FBXL20: variants seen among roughly 807,000 people sequenced by gnomAD.
The protein encoded by FBXL20 is F-box/LRR-repeat protein 20.
FBXL20 carries 11 observed loss-of-function variants against 64.0 expected under a neutral mutation model. The observed-to-expected ratio is 0.17, with a 90% CI of 0.11 to 0.28. The LOEUF is 0.28. Among genes scored for constraint, FBXL20 ranks in the 10% least tolerant of loss-of-function variants. The pLI, the probability that FBXL20 is intolerant of heterozygous loss-of-function variation, is 1.00. For missense variants in FBXL20, 303 were observed against 526.2 expected, an observed-to-expected ratio of 0.58 and a Z score of 4.15; for synonymous variants, 184 against 189.0, an observed-to-expected ratio of 0.97 and a Z score of 0.22.
intron 14 of FBXL20, among the ~76,000 whole-genome samples, chr17:39,262,818 G>A (rs2046758786): frequency 6.6e-6 from 1 of 151,724 alleles, no homozygotes; most frequent in Non-Finnish European, 1.5e-5. Flanking sequence ...CTAACACGGT[G>A]AAACTCTGCC....
intron 1 of FBXL20, among the ~76,000 whole-genome samples, chr17:39,355,427 A>T (rs370735719): frequency 4.6e-5 from 7 of 152,256 alleles, no homozygotes; most frequent in African/African-American, 1.7e-4. Context: ...TGATTATTTG[A>T]TTTGCAAATA....
At chr17:39,333,406 C>A (rs575018046) in intron 2 of FBXL20, among the ~76,000 whole-genome samples, 1 of 152,348 alleles carries the variant, frequency 6.6e-6, no homozygotes, top group African/African-American at 2.4e-5. Context: ...CTCGGCCTCC[C>A]GAGGTGCCGG....
At chr17:39,335,832 A>G (rs2047516219) in intron 2 of FBXL20, among the ~76,000 whole-genome samples, 1 of 152,144 alleles carries the variant, frequency 6.6e-6, no homozygotes, top group African/African-American at 2.4e-5. Context: ...ATAGGGAAGG[A>G]AGAGAATCAG....
intron 1 of FBXL20, among the ~76,000 whole-genome samples, chr17:39,356,679 A>G (rs2144604041): frequency 1.3e-5 from 2 of 152,144 alleles, no homozygotes; most frequent in East Asian, 3.9e-4. Flanking sequence ...GTTTTGAGAC[A>G]GGGTATCACT....
At position 39,253,090 on chromosome 17, in the gene FBXL20, C is replaced by A. The variant is rs1215471390; in HGVS notation, c.*8370G>T. 1 of 152,716 alleles carries A rather than the reference C, an allele frequency of 6.5e-6. No homozygotes were observed. The highest frequency in any genetic ancestry group is 2.4e-5 in the African/African-American group (1 of 41,472). 9.5% of individuals were successfully genotyped at this position (152,716 alleles called of 1,614,324 possible). On this transcript the variant is annotated 3_prime_UTR_variant, in exon 15 of 15. Coordinates refer to ENST00000264658, the MANE Select transcript of FBXL20 (RefSeq NM_032875.3). ...GAATCAGACCCTTCAGGTCAACCAC[C>A]TCTGCATTTTACCCCCTCAGGGGAG...
intron 2 of FBXL20, among the ~76,000 whole-genome samples, chr17:39,337,951 C>T (rs1451975596): frequency 9.2e-5 from 13 of 141,510 alleles, no homozygotes; most frequent in African/African-American, 3.1e-4. Flanking sequence ...CTGCCCCGTC[C>T]GGGAGGTGAG....
intron 4 of FBXL20, among the ~76,000 whole-genome samples, chr17:39,299,784 AAAC>A (rs916978526): frequency 6.6e-6 from 1 of 151,490 alleles, no homozygotes; most frequent in Non-Finnish European, 1.5e-5. Context: ...CTCTGTCTCA[AAAC>A]AACAACAACA....
intron 1 of FBXL20, among the ~76,000 whole-genome samples, chr17:39,349,399 C>T (rs1263745449): frequency 7.1e-6 from 1 of 141,746 alleles, no homozygotes; most frequent in Non-Finnish European, 1.5e-5. Context: ...CAGAATTTTC[C>T]ATAGTGGTGT....
chr17:39,348,332 A>AG (rs2047654073), intron 1 of FBXL20, among the ~76,000 whole-genome samples: 1 of 152,140 alleles, frequency 6.6e-6, no homozygotes, highest in Non-Finnish European at 1.5e-5. Context: ...ATGGTGACGC[A>AG]CACCTGTAGT....
At chr17:39,393,843 T>C (rs2048157855) in intron 1 of FBXL20, among the ~76,000 whole-genome samples, 1 of 152,242 alleles carries the variant, frequency 6.6e-6, no homozygotes, top group African/African-American at 2.4e-5. Flanking sequence ...GGATTTATCA[T>C]ATTAAATACG....
intron 9 of FBXL20, among the ~76,000 whole-genome samples, chr17:39,279,416 T>C (rs1232660119): frequency 6.6e-6 from 1 of 151,824 alleles, no homozygotes; most frequent in African/African-American, 2.4e-5. Context: ...GAAGGATTGC[T>C]TGAGCCCTGT....
intron 2 of FBXL20, among the ~76,000 whole-genome samples, chr17:39,316,155 G>A (rs942230119): frequency 3.3e-5 from 5 of 152,066 alleles, no homozygotes; most frequent in African/African-American, 1.2e-4. Context: ...ATCTGGAAAG[G>A]GAGAAAACTA....
chr17:39,261,471 T>C lies in FBXL20; in HGVS notation c.1300A>G (p.Ile434Val). 6.2e-7 allele frequency: 1 copy of C among 1,613,336 alleles called. No homozygotes were observed. Among genetic ancestry groups the C allele is most frequent in the Non-Finnish European group, 8.5e-7 (1 of 1,179,268 alleles). Residue 434 changes from isoleucine (I) to valine (V), a missense_variant, in exon 15 of 15, where the codon ATC becomes GTC. Physicochemically the swap from Ile to Val is conservative, Grantham distance 29. Transcript: ENST00000264658. Reference protein sequence around the residue: ...GSRQRFCRCCIIL With the variant: ...GSRQRFCRCCVIL Reference sequence around the variant, plus strand: ...GACCACCTCCATTGTCATAGGATGATGCAGCATCTGCAGAAGCGCTGTCTG... The same window carrying C: ...GACCACCTCCATTGTCATAGGATGACGCAGCATCTGCAGAAGCGCTGTCTG...
At chr17:39,266,974 C>CTTG (rs1183232646) in intron 12 of FBXL20, among the ~76,000 whole-genome samples, 1 of 152,040 alleles carries the variant, frequency 6.6e-6, no homozygotes. Context: ...TGAGCAGGGC[C>CTTG]AGACATGGTA....
Position 39,317,708 on chromosome 17 carries a change from T to G in FBXL20, c.105-14069A>C, listed in dbSNP as rs1378064981. 8.6e-5 allele frequency among the ~76,000 whole-genome samples: 11 copies of G among 127,360 alleles called. No homozygotes were observed. In the South Asian group the frequency reaches 1.2e-3, roughly 14 times the overall value. The allele number at this position is 127,360 out of a possible 152,430, so 83.6% of individuals were successfully genotyped here. The stretch of plus-strand genomic sequence containing the variant: ...TTTTTTGTTTTTTTTTTTGTTTTTT[T>G]TTTTTTTTTTTGAGACGGAGTCTCA... On this transcript the variant is annotated intron_variant, in intron 2 of 14. Transcript: ENST00000264658.
intron 14 of FBXL20, chr17:39,263,966 C>A: frequency 1.8e-6 from 1 of 546,952 alleles, no homozygotes; most frequent in Non-Finnish European, 3.2e-6. Flanking sequence ...CTTTTCTTCC[C>A]TTCAGTGGGT....
chr17:39,286,169 A>G (rs2046986626), intron 6 of FBXL20, among the ~76,000 whole-genome samples: 1 of 152,202 alleles, frequency 6.6e-6, no homozygotes, highest in African/African-American at 2.4e-5. Flanking sequence ...ACAAGAGTAA[A>G]TAATACAGAG....
At chr17:39,296,884 C>G (rs902747334) in intron 6 of FBXL20, among the ~76,000 whole-genome samples, 3 of 152,196 alleles carry the variant, frequency 2.0e-5, no homozygotes, top group Admixed American at 2.0e-4. Context: ...TTATTAGTAT[C>G]CCTACTGTAT....
intron 2 of FBXL20, among the ~76,000 whole-genome samples, chr17:39,330,168 C>T (rs995783037): frequency 6.6e-6 from 1 of 151,714 alleles, no homozygotes; most frequent in African/African-American, 2.4e-5. Flanking sequence ...ATGATGGTGG[C>T]TGCCTGTAAT....
Sources: gnomAD v4.1 joint callset for allele counts (sites outside exome capture counted in the v4.1 genomes callset) on GRCh38, gnomAD v4.1.1 for gene constraint, MANE v1.5 for transcripts, NCBI Gene and HGNC (gene_info 2026-07-23, HGNC 2026-07-21) for gene names.